MYO10: variants seen among roughly 807,000 people sequenced by gnomAD.
The protein encoded by MYO10 is unconventional myosin-X.
A neutral mutation model predicts 257.3 loss-of-function variants in MYO10; 133 were observed. That is an observed-to-expected ratio of 0.52 (90% CI 0.45 to 0.60). The LOEUF (loss-of-function observed/expected upper bound fraction) is 0.60, where lower values mean the gene tolerates loss of function less well. Among genes scored for constraint, MYO10 ranks in the 20% least tolerant of loss-of-function variants. The pLI is 0.00. For missense variants in MYO10, 2,399 were observed against 2,635.7 expected, an observed-to-expected ratio of 0.91 and a Z score of 1.97; for synonymous variants, 1,104 against 1,028.6, an observed-to-expected ratio of 1.07 and a Z score of -1.40.
chr5:16,849,496 T>C (rs766285326), intron 2 of MYO10, among the ~76,000 whole-genome samples: 4 of 152,188 alleles, frequency 2.6e-5, no homozygotes, highest in Non-Finnish European at 5.9e-5. Flanking sequence ...TCTTATAAGA[T>C]TTTGTGGTTC....
At chr5:16,675,197 TAGG>T in intron 34 of MYO10, 47 bp from the exon 35 acceptor site, 1 of 1,595,594 alleles carries the variant, frequency 6.3e-7, no homozygotes, top group South Asian at 1.1e-5. Context: ...GGGTTCAGAA[TAGG>T]GCATGAGCAT....
At chr5:16,757,119 T>TAAA (rs58155620) in intron 18 of MYO10, among the ~76,000 whole-genome samples, 7 of 100,130 alleles carry the variant, frequency 7.0e-5, no homozygotes, top group African/African-American at 2.4e-4. Flanking sequence ...ACTCTGCCTT[T>TAAA]AAAAAAAAAA....
At chr5:16,786,173 G>C (rs563472790) in intron 4 of MYO10, among the ~76,000 whole-genome samples, 1 of 152,238 alleles carries the variant, frequency 6.6e-6, no homozygotes, top group Non-Finnish European at 1.5e-5. Flanking sequence ...CCTAAGATTT[G>C]ATGGCTGTCT....
At chr5:16,794,216 G>A (rs1560988064) in intron 4 of MYO10, among the ~76,000 whole-genome samples, 1 of 151,948 alleles carries the variant, frequency 6.6e-6, no homozygotes, top group African/African-American at 2.4e-5. Flanking sequence ...TTGCAGTAGA[G>A]AAAAAAGAAA....
chr5:16,824,074 A>G (rs1162083802), intron 2 of MYO10, among the ~76,000 whole-genome samples: 1 of 152,194 alleles, frequency 6.6e-6, no homozygotes, highest in African/African-American at 2.4e-5. Context: ...ACTGATCAAT[A>G]CGACTGAAAA....
intron 1 of MYO10, among the ~76,000 whole-genome samples, chr5:16,884,670 TC>T (rs1172761844): frequency 1.4e-3 from 210 of 147,832 alleles, no homozygotes; most frequent in African/African-American, 4.9e-3. Context: ...TTTTTTTTTT[TC>T]CTTCTGTTGG....
At chr5:16,931,947 T>C (rs1746305321) in intron 1 of MYO10, among the ~76,000 whole-genome samples, 1 of 151,996 alleles carries the variant, frequency 6.6e-6, no homozygotes, top group Non-Finnish European at 1.5e-5. Context: ...GGGGAGAAAA[T>C]TGGCTTGGGA....
intron 1 of MYO10, chr5:16,916,577 G>T (rs964488938): frequency 6.3e-6 from 1 of 159,404 alleles, no homozygotes; most frequent in African/African-American, 2.4e-5. Context: ...CCTGCCTGAA[G>T]ATTTGATGAG....
intron 17 of MYO10, among the ~76,000 whole-genome samples, 194 bp downstream of exon 17, chr5:16,761,270 C>T (rs1191958538): frequency 2.0e-5 from 3 of 152,234 alleles, no homozygotes; most frequent in South Asian, 2.1e-4. Flanking sequence ...GGATTACAGG[C>T]GTGAGCCACC....
chr5:16,795,571 A>G (rs1283205486), intron 3 of MYO10, among the ~76,000 whole-genome samples: 1 of 152,260 alleles, frequency 6.6e-6, no homozygotes, highest in African/African-American at 2.4e-5. Flanking sequence ...ACTGCACTCC[A>G]GCCTGGGCGA....
At chr5:16,862,164 C>T (rs1017314627) in intron 2 of MYO10, among the ~76,000 whole-genome samples, 2 of 152,168 alleles carry the variant, frequency 1.3e-5, no homozygotes, top group Non-Finnish European at 2.9e-5. Flanking sequence ...GAATGGGATT[C>T]CCTAATGTCA....
intron 9 of MYO10, among the ~76,000 whole-genome samples, chr5:16,778,388 T>C (rs1741287402): frequency 6.6e-6 from 1 of 152,166 alleles, no homozygotes; most frequent in Non-Finnish European, 1.5e-5. Flanking sequence ...GGCTGGATGA[T>C]ACCTTAACAT....
At chr5:16,713,667 C>T (rs912856097) in intron 19 of MYO10, among the ~76,000 whole-genome samples, 1 of 152,126 alleles carries the variant, frequency 6.6e-6, no homozygotes, top group Non-Finnish European at 1.5e-5. Flanking sequence ...CTGATTGTCG[C>T]CCCGGGCAAC....
Position 16,701,232 on chromosome 5 carries a change from G to C in MYO10, c.3163C>G (p.Pro1055Ala), listed in dbSNP as rs985814138. 13 of 1,612,612 alleles carry C rather than the reference G, an allele frequency of 8.1e-6. No homozygotes were observed. Among genetic ancestry groups the C allele is most frequent in the Non-Finnish European group, 1.1e-5 (13 of 1,179,402 alleles). ...PSADSTVLLA[P>A]SVQDSGSLHN... The stretch of plus-strand genomic sequence containing the variant: ...AGGCTCCCGGAGTCCTGCACTGATG[G>C]GGCGAGCAGCACCGTGCTGTCCGCA... Residue 1055 changes from proline (P) to alanine (A), a missense_variant, in exon 25 of 41, where the codon CCA (proline) becomes GCA (alanine). By Grantham distance (27) the Pro-to-Ala change is conservative. Transcript: ENST00000513610. This position sits in a 1 kb window ranked among gnomAD's most constrained non-coding sequence, Gnocchi z 8.1.
At chr5:16,772,388 C>T (rs972459239) in intron 9 of MYO10, among the ~76,000 whole-genome samples, 1 of 152,176 alleles carries the variant, frequency 6.6e-6, no homozygotes, top group Non-Finnish European at 1.5e-5. Flanking sequence ...CCGCCTTGGC[C>T]TCCCAAAGTG....
intron 1 of MYO10, among the ~76,000 whole-genome samples, chr5:16,918,239 T>G (rs1478599669): frequency 1.3e-5 from 2 of 152,198 alleles, no homozygotes; most frequent in South Asian, 2.1e-4. Context: ...AAGCTGTGAC[T>G]AGACAGCTGC....
chr5:16,705,056 T>C (rs1425220410), intron 21 of MYO10, among the ~76,000 whole-genome samples: 1 of 152,148 alleles, frequency 6.6e-6, no homozygotes, highest in East Asian at 1.9e-4. Context: ...GTCACTACAT[T>C]GAGTCTACGT....
chr5:16,921,568 C>T (rs1745985121), intron 1 of MYO10, among the ~76,000 whole-genome samples: 1 of 148,788 alleles, frequency 6.7e-6, no homozygotes. Context: ...ACATTTACTA[C>T]TGTGAAAGGC....
intron 1 of MYO10, among the ~76,000 whole-genome samples, chr5:16,934,426 G>A (rs1746378063): frequency 6.6e-6 from 1 of 152,262 alleles, no homozygotes; most frequent in South Asian, 2.1e-4. Context: ...TCTTACAGAT[G>A]CAAGCAATTA....
Sources: gnomAD v4.1 joint callset for allele counts (sites outside exome capture counted in the v4.1 genomes callset) on GRCh38, gnomAD v4.1.1 for gene constraint, Gnocchi (gnomAD v3.1) non-coding constraint, MANE v1.5 for transcripts, NCBI Gene and HGNC (gene_info 2026-07-23, HGNC 2026-07-21) for gene names.